BTF3L4: variants seen among roughly 807,000 people sequenced by gnomAD.
The protein encoded by BTF3L4 is basic transcription factor 3 like 4, also known as transcription factor BTF3 homolog 4.
Under a neutral mutation model 16.8 loss-of-function variants are expected in BTF3L4, and 6 were observed. The observed-to-expected ratio is 0.36, with a 90% CI of 0.20 to 0.71. BTF3L4 has a LOEUF of 0.71. Among genes scored for constraint, BTF3L4 ranks in the 30% least tolerant of loss-of-function variants. The pLI is 0.58. For missense variants in BTF3L4, 92 were observed against 186.9 expected (o/e 0.49, Z 2.96); for synonymous variants, 39 against 59.8 (o/e 0.65, Z 1.60).
At chr1:52,080,866 A>T (rs563598476) in intron 3 of BTF3L4, among the ~76,000 whole-genome samples, 2 of 121,556 alleles carry the variant, frequency 1.6e-5, no homozygotes, top group Non-Finnish European at 3.3e-5. Context: ...TTTCTGAGAA[A>T]GTCTCACTCG....
At chr1:52,061,544 G>C (rs1415059751) in intron 2 of BTF3L4, among the ~76,000 whole-genome samples, 1 of 151,610 alleles carries the variant, frequency 6.6e-6, no homozygotes, top group African/African-American at 2.4e-5. Context: ...GAGTAAAAAG[G>C]GTTGTCATTT....
intron 3 of BTF3L4, among the ~76,000 whole-genome samples, chr1:52,076,450 G>A (rs1018319391): frequency 6.6e-6 from 1 of 151,706 alleles, no homozygotes; most frequent in African/African-American, 2.4e-5. Context: ...GGTGGCGCGT[G>A]ACTCTAATCC....
intron 4 of BTF3L4, 41 bp from the exon 5 acceptor site, chr1:52,086,071 C>A: frequency 7.1e-7 from 1 of 1,404,980 alleles, no homozygotes; most frequent in South Asian, 1.3e-5. Context: ...TCTTTAAGGT[C>A]TTTGTTCTCA....
intron 4 of BTF3L4, 133 bp from the exon 5 acceptor site, chr1:52,085,979 A>C (rs1643968109): frequency 1.0e-5 from 5 of 489,576 alleles, no homozygotes; most frequent in Non-Finnish European, 1.7e-5. Flanking sequence ...TATGAATGGC[A>C]TTTTAGATTG....
At chr1:52,067,671 A>G (rs1202018906) in intron 3 of BTF3L4, among the ~76,000 whole-genome samples, 1 of 152,240 alleles carries the variant, frequency 6.6e-6, no homozygotes, top group Admixed American at 6.5e-5. Flanking sequence ...ATAAGTTGCA[A>G]TAATACACAT....
At chr1:52,060,540 G>C (rs1396900073) in intron 2 of BTF3L4, 1 of 1,229,744 alleles carries the variant, frequency 8.1e-7, no homozygotes, top group Non-Finnish European at 1.1e-6. Flanking sequence ...AGCAACTGAA[G>C]TCTTTGATTC....
intron 1 of BTF3L4, among the ~76,000 whole-genome samples, chr1:52,058,867 T>C (rs954930278): frequency 6.6e-6 from 1 of 152,232 alleles, no homozygotes; most frequent in Non-Finnish European, 1.5e-5. Context: ...CCCAAAGTGC[T>C]GGGATTACAG....
intron 3 of BTF3L4, among the ~76,000 whole-genome samples, chr1:52,067,726 C>T (rs905725169): frequency 2.0e-5 from 3 of 152,150 alleles, no homozygotes; most frequent in African/African-American, 4.8e-5. Context: ...AATGTTTATG[C>T]AATTTTATAT....
At chr1:52,060,062 T>C (rs1287948641) in intron 2 of BTF3L4, among the ~76,000 whole-genome samples, 161 bp downstream of exon 2, 2 of 152,238 alleles carry the variant, frequency 1.3e-5, no homozygotes, top group Admixed American at 1.3e-4. Context: ...AATAGGTAAC[T>C]AGAACACTTT....
chr1:52,071,877 C>T (rs1276322968), intron 3 of BTF3L4, among the ~76,000 whole-genome samples: 1 of 150,268 alleles, frequency 6.7e-6, no homozygotes, highest in African/African-American at 2.5e-5. Flanking sequence ...TCCATAGCAT[C>T]CTTCTTTCTC....
At chr1:52,059,957 A>G (rs778763987) in intron 2 of BTF3L4, 56 bp downstream of exon 2, 96 of 1,483,016 alleles carry the variant, frequency 6.5e-5, no homozygotes, top group Middle Eastern at 1.7e-4. Flanking sequence ...AGATAGTGTT[A>G]TTATTTCGGA....
intron 5 of BTF3L4, chr1:52,086,388 T>A: frequency 4.0e-6 from 2 of 496,200 alleles, no homozygotes; most frequent in Non-Finnish European, 7.1e-6. Flanking sequence ...CTGGATTTAT[T>A]AAATTGAAAT....
intron 3 of BTF3L4, among the ~76,000 whole-genome samples, chr1:52,074,940 A>G (rs1447599733): frequency 1.3e-5 from 2 of 151,780 alleles, no homozygotes; most frequent in Non-Finnish European, 2.9e-5. Context: ...AATTATTTGT[A>G]GAGATGAGGT....
chr1:52,079,694 A>C (rs967805738), intron 3 of BTF3L4, among the ~76,000 whole-genome samples: 123 of 151,772 alleles, frequency 8.1e-4, no homozygotes, highest in Non-Finnish European at 1.1e-3. Flanking sequence ...AAACTCCATG[A>C]GTTTGTTTAT....
rs1324967664 is a variant in BTF3L4, at chr1:52,087,596, C to G, written c.*838C>G. ...GATTTTGTTCCCTCAGCTTGAGGAA[C>G]AACTTCATCTTCAACTTTTTATTTC... On this transcript the variant is annotated 3_prime_UTR_variant, in exon 6 of 6. Coordinates refer to ENST00000313334, the MANE Select transcript of BTF3L4 (RefSeq NM_152265.5). The G allele has an allele frequency of 6.6e-6, 1 of 152,136 alleles. No homozygotes were observed. Among genetic ancestry groups the G allele is most frequent in the African/African-American group, 2.4e-5 (1 of 41,422 alleles). 9.4% of individuals were successfully genotyped at this position (152,136 alleles called of 1,614,324 possible).
chr1:52,082,445 G>C (rs577603135), intron 3 of BTF3L4, among the ~76,000 whole-genome samples: 2 of 152,070 alleles, frequency 1.3e-5, no homozygotes, highest in Non-Finnish European at 2.9e-5. Context: ...TTAAGAATTA[G>C]AGGAACTGGC....
At position 52,077,776 on chromosome 1, in the gene BTF3L4, A is replaced by G. The variant is rs377392919; in HGVS notation, c.169-5564A>G. Among the ~76,000 whole-genome samples, 61 of 152,328 alleles carry G rather than the reference A, an allele frequency of 4.0e-4. No individual in the cohort carries two copies. The South Asian group carries it at 0.012, about 31-fold the overall frequency. On this transcript the variant is annotated intron_variant, in intron 3 of 5. Coordinates refer to ENST00000313334, the MANE Select transcript of BTF3L4 (RefSeq NM_152265.5). ...CAAATTTACCAGGTAGGAGGCTACT[A>G]TGACTAACTTACATACCCTATGCAG...
intron 1 of BTF3L4, among the ~76,000 whole-genome samples, chr1:52,057,937 CCT>C (rs749705002): frequency 2.6e-5 from 4 of 152,060 alleles, no homozygotes; most frequent in Non-Finnish European, 4.4e-5. Context: ...GGCATCCCAA[CCT>C]CTGTCTGTTC....
intron 3 of BTF3L4, 111 bp from the exon 4 acceptor site, chr1:52,083,229 G>A: frequency 2.4e-6 from 2 of 843,906 alleles, no homozygotes; most frequent in Non-Finnish European, 3.8e-6. Flanking sequence ...ACTACCTTGG[G>A]ATTACATAAC....
Sources: allele counts gnomAD v4.1 joint callset (sites outside exome capture counted in the v4.1 genomes callset), GRCh38; gene constraint gnomAD v4.1.1; transcripts MANE v1.5; gene names NCBI Gene and HGNC (gene_info 2026-07-23, HGNC 2026-07-21).